The following PMEPA1 variants were observed in gnomAD, a reference collection of about 807,000 sequenced individuals.
PMEPA1 encodes the protein protein TMEPAI.
Under a neutral mutation model 23.0 loss-of-function variants are expected in PMEPA1, and 11 were observed. The observed-to-expected ratio is 0.48, with a 90% CI of 0.30 to 0.79. The LOEUF (loss-of-function observed/expected upper bound fraction) is 0.79. Among genes scored for constraint, PMEPA1 ranks in the 30% least tolerant of loss-of-function variants. The pLI is 0.06. For missense variants in PMEPA1, 377 were observed against 390.9 expected (o/e 0.96, Z 0.30); for synonymous variants, 204 against 166.4 (o/e 1.23, Z -1.74).
intron 1 of PMEPA1, among the ~76,000 whole-genome samples, chr20:57,662,754 A>C: frequency 3.6e-5 from 4 of 112,430 alleles, no homozygotes; most frequent in African/African-American, 1.0e-4. Context: ...AACCCTGTGC[A>C]CTCTTCACCC....
intron 1 of PMEPA1, among the ~76,000 whole-genome samples, chr20:57,668,022 GGGGGC>G (rs2071518255): frequency 6.6e-6 from 1 of 152,206 alleles, no homozygotes; most frequent in Non-Finnish European, 1.5e-5. Flanking sequence ...TTGAGGTTTG[GGGGGC>G]GGGCGGCAAA....
chr20:57,662,976 C>A (rs990585934), intron 1 of PMEPA1, among the ~76,000 whole-genome samples: 2 of 152,316 alleles, frequency 1.3e-5, no homozygotes, highest in Admixed American at 6.5e-5. Context: ...CAAACCCTCA[C>A]GGCTCTCCTG....
At chr20:57,660,908 A>T (rs2071409524) in intron 1 of PMEPA1, among the ~76,000 whole-genome samples, 1 of 152,162 alleles carries the variant, frequency 6.6e-6, no homozygotes, top group South Asian at 2.1e-4. Context: ...ACAGTCCCAC[A>T]CCCAAGTCAA....
At chr20:57,663,962 G>A (rs1457334222) in intron 1 of PMEPA1, among the ~76,000 whole-genome samples, 3 of 152,204 alleles carry the variant, frequency 2.0e-5, no homozygotes, top group South Asian at 4.1e-4. Flanking sequence ...CAGGTCCAAC[G>A]AAGACCACCC....
chr20:57,710,321 C>A, upstream of PMEPA1: 1 of 866,514 alleles, frequency 1.2e-6, no homozygotes, highest in Non-Finnish European at 1.6e-6. Context: ...GTTGCTGGTG[C>A]GCCCTCCCCT....
At chr20:57,687,804 C>T (rs1169995476) in intron 1 of PMEPA1, among the ~76,000 whole-genome samples, 1 of 152,226 alleles carries the variant, frequency 6.6e-6, no homozygotes, top group Non-Finnish European at 1.5e-5. Context: ...CAGGGCCCTG[C>T]TCAGCCTGCC....
At chr20:57,679,111 A>C (rs575834425) in intron 1 of PMEPA1, among the ~76,000 whole-genome samples, 1 of 152,300 alleles carries the variant, frequency 6.6e-6, no homozygotes, top group South Asian at 2.1e-4. Flanking sequence ...GATAATGAGC[A>C]CCTAGGAGCG....
intron 1 of PMEPA1, among the ~76,000 whole-genome samples, chr20:57,697,027 A>G (rs988760920): frequency 3.9e-5 from 6 of 152,210 alleles, no homozygotes; most frequent in Non-Finnish European, 5.9e-5. Flanking sequence ...AGTTCCCGCT[A>G]CATGGTAGCT....
Position 57,677,697 on chromosome 20 carries a change from G to A in PMEPA1, c.110-18000C>T, listed in dbSNP as rs937565242. 3.3e-5 allele frequency among the ~76,000 whole-genome samples: 5 copies of A among 152,184 alleles called. No homozygotes were observed. The East Asian group carries it at 9.6e-4, about 29-fold the overall frequency. ...TGGGCATTTATCCCAGAGAAATGAA[G>A]ACTTAATGTTCACACAAAAACCTGT... On this transcript the variant is annotated intron_variant, in intron 1 of 3. Transcript: ENST00000341744.
At position 57,651,854 on chromosome 20, in the gene PMEPA1, CTT is replaced by C. The variant is rs571898181; in HGVS notation, c.*197_*198del. On this transcript the variant is annotated 3_prime_UTR_variant, in exon 4 of 4. Coordinates refer to ENST00000341744, the MANE Select transcript of PMEPA1 (RefSeq NM_020182.5). Reference sequence around the variant, plus strand: ...AACGTGGTTTTTTTTTTTCTTTTTTCTTTTTTTTTTTGCAAGCTCTCTTAGCT... The same window carrying C: ...AACGTGGTTTTTTTTTTTCTTTTTTCTTTTTTTTTGCAAGCTCTCTTAGCT... 48 of 263,490 alleles carry C rather than the reference CTT, an allele frequency of 1.8e-4. No individual in the cohort carries two copies. Among genetic ancestry groups the C allele is most frequent in the Non-Finnish European group, 2.2e-4 (32 of 147,934 alleles). 16.3% of individuals were successfully genotyped at this position (263,490 alleles called of 1,614,324 possible). A position where few individuals can be genotyped will look rare whatever the true frequency, so the allele number is the denominator to read the frequency against.
intron 1 of PMEPA1, among the ~76,000 whole-genome samples, chr20:57,671,384 G>C (rs1230535680): frequency 1.3e-5 from 2 of 152,152 alleles, no homozygotes; most frequent in Non-Finnish European, 2.9e-5. Context: ...AGTCCGTGGT[G>C]GTGTTGACGG....
In PMEPA1 at chr20:57,648,679, G is replaced by T; in HGVS notation, c.*3374C>A. Reference sequence around the variant, plus strand: ...CATTGGAATCAGCACAACAGCCATGGAATCAGGCAGGCAGGGGAGGACGGG... The same window carrying T: ...CATTGGAATCAGCACAACAGCCATGTAATCAGGCAGGCAGGGGAGGACGGG... On this transcript the variant is annotated 3_prime_UTR_variant, in exon 4 of 4. Transcript: ENST00000341744. The T allele has an allele frequency of 6.6e-6, 1 of 152,426 alleles. No homozygotes were observed. The allele number at this position is 152,426 out of a possible 1,614,324, so 9.4% of individuals were successfully genotyped here.
rs569880160 is a variant in PMEPA1, at chr20:57,662,713, C to T, written c.110-3016G>A. On this transcript the variant is annotated intron_variant, in intron 1 of 3. Transcript: ENST00000341744. ...GCTTTGTGTAACACCCACGCCCCCC[C>T]ACCCCCGGGGCCTGCAATTCCCTGC... Among the ~76,000 whole-genome samples, 582 of 152,216 alleles carry T rather than the reference C, an allele frequency of 3.8e-3. 4 individuals are homozygous for T. The highest frequency in any genetic ancestry group is 6.6e-3 in the Non-Finnish European group (446 of 67,982).
intron 1 of PMEPA1, among the ~76,000 whole-genome samples, chr20:57,661,270 C>T (rs986382835): frequency 6.6e-5 from 10 of 152,224 alleles, no homozygotes; most frequent in Non-Finnish European, 1.2e-4. Context: ...GGGTCTGTGC[C>T]GAAGCGGCCT....
chr20:57,709,996 A>G lies in PMEPA1; in HGVS notation c.-414T>C. ...GGTTTCGCTCCGAGACCGCGGTCGG[A>G]GGCAGGCAGACGGTCTGACGTCAGC... On this transcript the variant is annotated 5_prime_UTR_variant, in exon 1 of 4. Transcript: ENST00000341744. The G allele has an allele frequency of 1.0e-6, 1 of 990,976 alleles. No homozygotes were observed. Among genetic ancestry groups the G allele is most frequent in the Non-Finnish European group, 1.2e-6 (1 of 833,966 alleles). The allele number at this position is 990,976 out of a possible 1,614,324, so 61.4% of individuals were successfully genotyped here.
chr20:57,709,798 G>C lies in PMEPA1; in HGVS notation c.-216C>G. The C allele has an allele frequency of 4.1e-6, 4 of 982,846 alleles. No homozygotes were observed. Among genetic ancestry groups the C allele is most frequent in the Non-Finnish European group, 4.8e-6 (4 of 828,834 alleles). 60.9% of individuals were successfully genotyped at this position (982,846 alleles called of 1,614,324 possible). A position where few individuals can be genotyped will look rare whatever the true frequency, so the allele number is the denominator to read the frequency against. ...CGCTGCGCCCCCCCGGCCTCCCCTCGGCAGCCCCGGGGGCGTCGGCAGTGC... is the reference window on the plus strand; with the variant it reads ...CGCTGCGCCCCCCCGGCCTCCCCTCCGCAGCCCCGGGGGCGTCGGCAGTGC... On this transcript the variant is annotated 5_prime_UTR_variant, in exon 1 of 4. Coordinates refer to ENST00000341744, the MANE Select transcript of PMEPA1 (RefSeq NM_020182.5).
chr20:57,702,189 C>T (rs1354660118), intron 1 of PMEPA1, among the ~76,000 whole-genome samples: 6 of 152,212 alleles, frequency 3.9e-5, no homozygotes, highest in African/African-American at 1.4e-4. Flanking sequence ...CTGGGAACAG[C>T]ACCGGAGGTC....
intron 2 of PMEPA1, among the ~76,000 whole-genome samples, chr20:57,654,099 C>A (rs1447761815): frequency 2.0e-5 from 3 of 152,158 alleles, no homozygotes; most frequent in African/African-American, 7.2e-5. Flanking sequence ...GCTGCCACTT[C>A]ATGAAGCTTA....
chr20:57,658,877 C>T (rs1272776953), intron 2 of PMEPA1, among the ~76,000 whole-genome samples: 1 of 152,220 alleles, frequency 6.6e-6, no homozygotes, highest in Non-Finnish European at 1.5e-5. Context: ...TTTCCCACCA[C>T]TACCCCGGTG....
Sources: allele counts gnomAD v4.1 joint callset (sites outside exome capture counted in the v4.1 genomes callset), GRCh38; gene constraint gnomAD v4.1.1; transcripts MANE v1.5; gene names NCBI Gene and HGNC (gene_info 2026-07-23, HGNC 2026-07-21).